Variants in XYLT1 observed in about 807,000 individuals in gnomAD.
XYLT1 encodes xylosyltransferase 1.
Under a neutral mutation model 91.3 loss-of-function variants are expected in XYLT1, and 36 were observed. That is an observed-to-expected ratio of 0.39 (90% CI 0.30 to 0.52). XYLT1 has a LOEUF of 0.52. Ranked by LOEUF, XYLT1 falls within the 20% of genes least tolerant of loss-of-function variation. The pLI is 0.68. For missense variants in XYLT1, 1,242 were observed against 1,284.5 expected, an observed-to-expected ratio of 0.97 and a Z score of 0.51; for synonymous variants, 588 against 532.0, an observed-to-expected ratio of 1.11 and a Z score of -1.45.
At chr16:17,272,611 T>C (rs1444309149) in intron 2 of XYLT1, among the ~76,000 whole-genome samples, 1 of 152,184 alleles carries the variant, frequency 6.6e-6, no homozygotes, top group Non-Finnish European at 1.5e-5. Context: ...ATCTAAAACT[T>C]TGGATTTCTG....
At chr16:17,286,856 T>C (rs1166239104) in intron 2 of XYLT1, among the ~76,000 whole-genome samples, 1 of 151,974 alleles carries the variant, frequency 6.6e-6, no homozygotes, top group Non-Finnish European at 1.5e-5. Context: ...AGATGGGGAG[T>C]GTTTTCATTC....
intron 2 of XYLT1, among the ~76,000 whole-genome samples, chr16:17,347,128 G>C (rs1230028164): frequency 6.6e-6 from 1 of 152,210 alleles, no homozygotes; most frequent in East Asian, 1.9e-4. Flanking sequence ...ACCAGAGGTG[G>C]CGGCATTTCT....
At chr16:17,219,535 A>G (rs2032925812) in intron 3 of XYLT1, among the ~76,000 whole-genome samples, 1 of 152,204 alleles carries the variant, frequency 6.6e-6, no homozygotes, top group African/African-American at 2.4e-5. Context: ...TGAGAGCTCC[A>G]GGCAGGTCAC....
In XYLT1 at chr16:17,104,273, G is replaced by A. The variant is rs895899059; in HGVS notation, c.*4422C>T. On this transcript the variant is annotated 3_prime_UTR_variant, in exon 12 of 12. Transcript: ENST00000261381. ...CCTCCTAGACTGTCTTTGCCATTTC[G>A]GCCTGGTTTGATGGAGTCCCACAAG... 2 of 152,448 alleles carry A rather than the reference G, an allele frequency of 1.3e-5. No individual in the cohort carries two copies. Among genetic ancestry groups the A allele is most frequent in the African/African-American group, 4.8e-5 (2 of 41,410 alleles). The allele number at this position is 152,448 out of a possible 1,614,324, so 9.4% of individuals were successfully genotyped here. A position where few individuals can be genotyped will look rare whatever the true frequency, so the allele number is the denominator to read the frequency against.
chr16:17,412,839 T>C (rs1053149160), intron 1 of XYLT1, among the ~76,000 whole-genome samples: 3 of 151,996 alleles, frequency 2.0e-5, no homozygotes, highest in Non-Finnish European at 4.4e-5. Flanking sequence ...TCCGAGATGT[T>C]TTCCTAATGG....
chr16:17,138,894 A>G (rs1484254295), intron 7 of XYLT1, among the ~76,000 whole-genome samples: 1 of 152,132 alleles, frequency 6.6e-6, no homozygotes, highest in East Asian at 1.9e-4. Context: ...AATCAAAGGG[A>G]TTCAAGTCTG....
intron 3 of XYLT1, among the ~76,000 whole-genome samples, chr16:17,240,805 C>G (rs893576075): frequency 1.3e-5 from 2 of 152,268 alleles, no homozygotes; most frequent in African/African-American, 4.8e-5. Flanking sequence ...TTTAGGAGAA[C>G]CTGTTGGATA....
intron 3 of XYLT1, chr16:17,251,118 G>T (rs2033531499): frequency 6.6e-6 from 1 of 152,212 alleles, no homozygotes; most frequent in Non-Finnish European, 1.5e-5. Flanking sequence ...AGAAGAGACT[G>T]CCCTTAAGCA....
chr16:17,339,042 G>C (rs1228371725), intron 2 of XYLT1, among the ~76,000 whole-genome samples: 1 of 152,214 alleles, frequency 6.6e-6, no homozygotes, highest in Non-Finnish European at 1.5e-5. Flanking sequence ...AAAAAAGAGA[G>C]AGATAGATGG....
At chr16:17,231,887 A>G (rs1221883105) in intron 3 of XYLT1, among the ~76,000 whole-genome samples, 2 of 151,980 alleles carry the variant, frequency 1.3e-5, no homozygotes, top group East Asian at 3.9e-4. Flanking sequence ...AAGGTGTAGG[A>G]CATTACTGTA....
At chr16:17,298,338 T>C (rs1429441989) in intron 2 of XYLT1, among the ~76,000 whole-genome samples, 1 of 152,160 alleles carries the variant, frequency 6.6e-6, no homozygotes, top group South Asian at 2.1e-4. Flanking sequence ...AGCCACCCCA[T>C]GCCACACGCA....
Position 17,117,746 on chromosome 16 carries a change from C to T in XYLT1, c.2457G>A (p.Gly819=). The T allele has an allele frequency of 6.2e-7, 1 of 1,614,124 alleles. No homozygotes were observed. Among genetic ancestry groups the T allele is most frequent in the Non-Finnish European group, 8.5e-7 (1 of 1,180,018 alleles). ...KPPLNLPLRP[G]VWTVKILHHW... ...GGTGGAGAATTTTCACTGTCCAGAC[C>T]CCAGGCCTCAGGGGCAAGTTCAAAG... The change falls in exon 11 of 12, where the codon GGG becomes GGA. Residue 819 remains glycine, a synonymous_variant. Coordinates refer to ENST00000261381, the MANE Select transcript of XYLT1 (RefSeq NM_022166.4).
In XYLT1 at chr16:17,109,013, C is replaced by G; in HGVS notation, c.2562G>C (p.Glu854Asp). The part of the protein sequence containing the change: ...FSNRQPIKPE[E>D]ALKLHNGPLR... ...GGGGCCCATTGTGCAGCTTCAGTGC[C>G]TCCTCTGAAAGCCAAAGGGAACAAT... The change falls in exon 12 of 12, where the codon GAG becomes GAC. Residue 854 changes from glutamate to aspartate, a missense_variant. This residue lies in a region of XYLT1 where 511 missense variants were observed against 497.0 expected (regional missense o/e 1.03). Coordinates refer to ENST00000261381, the MANE Select transcript of XYLT1 (RefSeq NM_022166.4). 1 of 1,510,238 alleles carries G rather than the reference C, an allele frequency of 6.6e-7. No individual in the cohort carries two copies. 93.6% of individuals were successfully genotyped at this position (1,510,238 alleles called of 1,614,324 possible).
At chr16:17,381,492 T>A (rs2035680425) in intron 1 of XYLT1, among the ~76,000 whole-genome samples, 1 of 149,042 alleles carries the variant, frequency 6.7e-6, no homozygotes, top group Admixed American at 6.8e-5. Flanking sequence ...CGCAGTGGCA[T>A]GATCTCGGCT....
chr16:17,244,763 A>T (rs2033407761), intron 3 of XYLT1, among the ~76,000 whole-genome samples: 1 of 152,164 alleles, frequency 6.6e-6, no homozygotes, highest in Admixed American at 6.5e-5. Flanking sequence ...AACAACCTAA[A>T]TGTCCCTCAA....
chr16:17,419,343 A>G (rs1448995430), intron 1 of XYLT1, among the ~76,000 whole-genome samples: 2 of 152,066 alleles, frequency 1.3e-5, no homozygotes, highest in African/African-American at 4.8e-5. Context: ...TCCTGTCTCA[A>G]AAACAAAAAC....
At chr16:17,209,631 C>G (rs1450874301) in intron 3 of XYLT1, among the ~76,000 whole-genome samples, 1 of 152,184 alleles carries the variant, frequency 6.6e-6, no homozygotes, top group Non-Finnish European at 1.5e-5. Flanking sequence ...GGTCTGCATC[C>G]CAGCCCTACC....
At chr16:17,377,946 A>C (rs184879275) in intron 1 of XYLT1, among the ~76,000 whole-genome samples, 2 of 152,320 alleles carry the variant, frequency 1.3e-5, no homozygotes, top group South Asian at 2.1e-4. Flanking sequence ...CATTGTACAA[A>C]GGGAAGAACT....
At chr16:17,432,080 A>AT (rs1157251442) in intron 1 of XYLT1, among the ~76,000 whole-genome samples, 1 of 152,148 alleles carries the variant, frequency 6.6e-6, no homozygotes, top group Admixed American at 6.5e-5. Context: ...TTATAAGAAG[A>AT]TAAAAAAAAA....
Sources: allele counts gnomAD v4.1 joint callset (sites outside exome capture counted in the v4.1 genomes callset), GRCh38; gene constraint gnomAD v4.1.1; regional missense constraint gnomAD v4.1.1; transcripts MANE v1.5; gene names NCBI Gene and HGNC (gene_info 2026-07-23, HGNC 2026-07-21).